KPTN: variants seen among roughly 807,000 people sequenced by gnomAD.
KPTN encodes kaptin, actin binding protein.
In KPTN, 36 loss-of-function variants were observed where a neutral mutation model predicts 52.6. The ratio of observed to expected loss-of-function variants is 0.68; its 90% confidence interval spans 0.52 to 0.90. KPTN has a LOEUF of 0.90. KPTN is among the 40% of genes least tolerant of loss of function. The probability of loss-of-function intolerance (pLI) is 0.00; values close to 1 mark genes in which losing one functional copy is unlikely to be tolerated. For missense variants in KPTN, 529 were observed against 576.2 expected (o/e 0.92, Z 0.84); for synonymous variants, 271 against 248.4 (o/e 1.09, Z -0.85).
intron 11 of KPTN, chr19:47,476,011 A>G (rs1967652249): frequency 6.6e-6 from 1 of 151,992 alleles, no homozygotes; most frequent in East Asian, 2.0e-4. Flanking sequence ...AAAAACCAAA[A>G]AAAAAAAAAA....
Position 47,480,997 on chromosome 19 carries a change from G to A in KPTN, c.486C>T (p.Leu162=). The stretch of plus-strand genomic sequence containing the variant: ...GAATGGCCGGGTCGTTCCCACTCAA[G>A]AGAAACACAGTCTCAAGTTGATCCC... The part of the protein sequence containing the change: ...QVGDQLETVF[L]LSGNDPAIHL... Residue 162 remains leucine, a synonymous_variant, in exon 5 of 12, where the codon CTC becomes CTT. Transcript: ENST00000338134. The A allele has an allele frequency of 3.8e-6, 6 of 1,595,606 alleles. No homozygotes were observed. The highest frequency in any genetic ancestry group is 5.1e-6 in the Non-Finnish European group (6 of 1,170,146).
At chr19:47,477,017 C>A in intron 9 of KPTN, 79 bp from the exon 10 acceptor site, 3 of 1,429,854 alleles carry the variant, frequency 2.1e-6, no homozygotes, top group Non-Finnish European at 1.9e-6. Context: ...AAGCTGGGTA[C>A]CGGTACTGCT....
upstream of KPTN, among the ~76,000 whole-genome samples, chr19:47,484,706 ATT>A (rs35425298): frequency 5.3e-4 from 69 of 129,104 alleles, no homozygotes; most frequent in Admixed American, 1.1e-3. Context: ...ACAGTTCACT[ATT>A]TTTTTTTTTT....
upstream of KPTN, among the ~76,000 whole-genome samples, chr19:47,485,242 CAA>C (rs1968037739): frequency 6.6e-6 from 1 of 152,114 alleles, no homozygotes; most frequent in South Asian, 2.1e-4. Context: ...ACGTCCTTTG[CAA>C]ATCTGTCTCA....
chr19:47,478,790 G>A (rs1422433497), intron 8 of KPTN, among the ~76,000 whole-genome samples: 1 of 152,078 alleles, frequency 6.6e-6, no homozygotes, highest in African/African-American at 2.4e-5. Flanking sequence ...CAGTAACATA[G>A]GAGTGGAAAA....
At chr19:47,484,606 G>A (rs934007272), upstream of KPTN, 2 of 171,584 alleles carry the variant, frequency 1.2e-5, no homozygotes, top group Admixed American at 1.2e-4. Flanking sequence ...AGAGATGAAG[G>A]AATTGAGGCA....
intron 9 of KPTN, 145 bp downstream of exon 9, chr19:47,477,561 G>T: frequency 1.8e-6 from 1 of 566,010 alleles, no homozygotes; most frequent in South Asian, 2.1e-5. Flanking sequence ...AATATTCACA[G>T]CCCCCACCCC....
intron 6 of KPTN, 52 bp downstream of exon 6, chr19:47,480,708 C>T: frequency 6.5e-7 from 1 of 1,549,134 alleles, no homozygotes; most frequent in South Asian, 1.1e-5. Context: ...CGCCCGATTT[C>T]TCTGATGTCA....
At position 47,475,187 on chromosome 19, in the gene KPTN, C is replaced by A. The variant is rs568607063; in HGVS notation, c.*229G>T. The A allele has an allele frequency of 3.0e-5, 13 of 434,028 alleles. No individual in the cohort carries two copies. In the South Asian group the frequency reaches 4.0e-4, roughly 13 times the overall value. The allele number at this position is 434,028 out of a possible 1,614,324, so 26.9% of individuals were successfully genotyped here. On this transcript the variant is annotated 3_prime_UTR_variant, in exon 12 of 12. Transcript: ENST00000338134. Reference sequence around the variant, plus strand: ...GGACGTATAAATAACCATCAGGTGGCCAATTCTCATCCAGAGTGGACAGGG... The same window carrying A: ...GGACGTATAAATAACCATCAGGTGGACAATTCTCATCCAGAGTGGACAGGG...
At chr19:47,479,307 T>C (rs761409648) in intron 8 of KPTN, among the ~76,000 whole-genome samples, 2 of 152,306 alleles carry the variant, frequency 1.3e-5, no homozygotes, top group Non-Finnish European at 2.9e-5. Flanking sequence ...CCTCCCAAAG[T>C]GCTGGGATTA....
In KPTN at chr19:47,477,991, C is replaced by T. The variant is rs527524521; in HGVS notation, c.788-210G>A. On this transcript the variant is annotated intron_variant, in intron 8 of 11. Transcript: ENST00000338134. ...AGGAGACTTGCTTGAACCTGGGAGG[C>T]GGAGGTTGGAGTGAGCCAAGATCAC... Among the ~76,000 whole-genome samples the T allele has an allele frequency of 1.1e-4, 16 of 149,790 alleles. 1 individual carries two copies. Among genetic ancestry groups the T allele is most frequent in the Admixed American group, 4.0e-4 (6 of 15,002 alleles).
upstream of KPTN, among the ~76,000 whole-genome samples, chr19:47,485,582 C>T (rs529809569): frequency 7.0e-4 from 107 of 152,360 alleles, no homozygotes; most frequent in Middle Eastern, 3.4e-3. Context: ...CCCTTGATCA[C>T]GGCCTTATCG....
chr19:47,479,790 A>G (rs1378274942), intron 8 of KPTN, 73 bp downstream of exon 8: 7 of 1,270,024 alleles, frequency 5.5e-6, no homozygotes, highest in South Asian at 3.8e-5. Flanking sequence ...TCTGGGTAGA[A>G]GGACCCAAGA....
At chr19:47,483,078 G>T in intron 4 of KPTN, 83 bp downstream of exon 4, 13 of 1,283,804 alleles carry the variant, frequency 1.0e-5, no homozygotes, top group East Asian at 2.3e-5. Context: ...GACTACAGGG[G>T]TCTGTAAGTA....
At chr19:47,477,215 T>C (rs1006956757) in intron 9 of KPTN, among the ~76,000 whole-genome samples, 1 of 152,160 alleles carries the variant, frequency 6.6e-6, no homozygotes, top group Non-Finnish European at 1.5e-5. Flanking sequence ...GTGTCCTCAA[T>C]TTAGACACCC....
intron 10 of KPTN, 35 bp from the exon 11 acceptor site, chr19:47,476,749 TG>T: frequency 6.2e-7 from 1 of 1,606,076 alleles, no homozygotes; most frequent in East Asian, 2.2e-5. Context: ...CACAGGTTGA[TG>T]GGGGGACAGT....
chr19:47,479,980 C>G, intron 7 of KPTN, 40 bp from the exon 8 acceptor site: 2 of 1,521,984 alleles, frequency 1.3e-6, no homozygotes, highest in South Asian at 1.2e-5. Context: ...AACCCCACCC[C>G]GGTCCCGCCC....
In KPTN at chr19:47,476,925, G is replaced by A. The variant is rs1425926253; in HGVS notation, c.877C>T (p.Arg293Trp). 11 of 1,556,868 alleles carry A rather than the reference G, an allele frequency of 7.1e-6. No individual in the cohort carries two copies. In the Admixed American group the frequency reaches 1.2e-4, roughly 16 times the overall value. Residue 293 changes from arginine (R) to tryptophan (W), a missense_variant, in exon 10 of 12, where the codon CGG (arginine) becomes TGG (tryptophan). Transcript: ENST00000338134. ...AGGAGAAGCTGGTCTTCAAGACCCC[G>A]GTTCAGCAGGTCCCTGAGGGTCCCA... ...PAVVYRDLLNRGLEDQLLLPG... is the reference protein window; with the variant it reads ...PAVVYRDLLNWGLEDQLLLPG...
In KPTN at chr19:47,483,338, G is replaced by C. The variant is rs1967954131; in HGVS notation, c.351C>G (p.Cys117Trp). 1.2e-6 allele frequency: 2 copies of C among 1,614,012 alleles called. No homozygotes were observed. Among genetic ancestry groups the C allele is most frequent in the Non-Finnish European group, 1.7e-6 (2 of 1,180,002 alleles). ...DKGSPFLNIY[C>W]DYEPGSEYNL... ...TGTACTCAGAGCCGGGCTCGTAGTC[G>C]CAGTAAATGTTCAGGAAGGGGCTGC... Residue 117 changes from cysteine (C) to tryptophan (W), a missense_variant, in exon 3 of 12, where the codon TGC becomes TGG. By Grantham distance (215) the Cys-to-Trp change is radical (BLOSUM62 -2). Coordinates refer to ENST00000338134, the MANE Select transcript of KPTN (RefSeq NM_007059.4).
Sources: gnomAD v4.1 joint callset for allele counts (sites outside exome capture counted in the v4.1 genomes callset) on GRCh38, gnomAD v4.1.1 for gene constraint, MANE v1.5 for transcripts, NCBI Gene and HGNC (gene_info 2026-07-23, HGNC 2026-07-21) for gene names.